The following OPRM1 variants were observed in gnomAD, a reference collection of about 807,000 sequenced individuals.
OPRM1 encodes the protein mu-type opioid receptor.
A neutral mutation model predicts 31.8 loss-of-function variants in OPRM1; 27 were observed. The observed-to-expected ratio is 0.85, with a 90% CI of 0.63 to 1.17. The LOEUF is 1.17. OPRM1 is among the 50% of genes most tolerant of loss of function. The probability of loss-of-function intolerance (pLI) is 0.00; values close to 1 mark genes in which losing one functional copy is unlikely to be tolerated. For synonymous variants in OPRM1, 196 were observed against 189.9 expected (o/e 1.03, Z -0.26); for missense variants, 536 against 511.1 (o/e 1.05, Z -0.47).
chr6:154,218,134 G>A (rs905768647), intron 3 of OPRM1, among the ~76,000 whole-genome samples: 3 of 152,170 alleles, frequency 2.0e-5, no homozygotes, highest in Admixed American at 2.0e-4. Context: ...CTGTGGCTAA[G>A]TAGATGGATG....
intron 3 of OPRM1, among the ~76,000 whole-genome samples, chr6:154,173,385 C>T (rs974094959): frequency 3.3e-5 from 5 of 152,042 alleles, no homozygotes; most frequent in Admixed American, 3.3e-4. Context: ...GCTAAAGAAG[C>T]ATGTTCTAAC....
At chr6:154,193,276 C>A (rs1447490152) in intron 3 of OPRM1, among the ~76,000 whole-genome samples, 1 of 152,084 alleles carries the variant, frequency 6.6e-6, no homozygotes. Context: ...GAATGGAAAA[C>A]CAAAATTGTA....
intron 3 of OPRM1, among the ~76,000 whole-genome samples, chr6:154,103,880 G>A (rs1415172271): frequency 6.6e-6 from 1 of 152,076 alleles, no homozygotes; most frequent in East Asian, 1.9e-4. Context: ...TTATCAGCAA[G>A]GTCTTTATGA....
chr6:154,227,644 G>A (rs1779363896), intron 3 of OPRM1, among the ~76,000 whole-genome samples: 1 of 152,108 alleles, frequency 6.6e-6, no homozygotes, highest in Non-Finnish European at 1.5e-5. Flanking sequence ...CCTGAGCCCG[G>A]AGGTCGAGGC....
At chr6:154,167,373 T>C (rs776936327) in intron 3 of OPRM1, among the ~76,000 whole-genome samples, 2 of 152,140 alleles carry the variant, frequency 1.3e-5, no homozygotes, top group African/African-American at 2.4e-5. Flanking sequence ...TACCACAGAG[T>C]GTGTACTTCC....
At chr6:154,098,286 CCTGA>C in intron 3 of OPRM1, among the ~76,000 whole-genome samples, 1 of 85,742 alleles carries the variant, frequency 1.2e-5, no homozygotes, top group African/African-American at 3.5e-5. Flanking sequence ...ATCTTCTTTT[CCTGA>C]CTGTTCTAAC....
intron 1 of OPRM1, among the ~76,000 whole-genome samples, chr6:154,021,907 A>G (rs917001058): frequency 2.0e-5 from 3 of 152,122 alleles, no homozygotes; most frequent in Non-Finnish European, 4.4e-5. Flanking sequence ...CTGCAAACAA[A>G]GGCAGTTCTA....
intron 1 of OPRM1, among the ~76,000 whole-genome samples, chr6:154,031,635 C>T (rs1415226420): frequency 6.6e-6 from 1 of 151,774 alleles, no homozygotes; most frequent in Non-Finnish European, 1.5e-5. Context: ...CACGTACTAG[C>T]GAGGCTGAGG....
intron 3 of OPRM1, among the ~76,000 whole-genome samples, chr6:154,150,673 T>C (rs1798477427): frequency 6.6e-6 from 1 of 152,210 alleles, no homozygotes; most frequent in Admixed American, 6.5e-5. Flanking sequence ...TTCTCAAGCT[T>C]CTTTACCCGC....
intron 1 of OPRM1, among the ~76,000 whole-genome samples, chr6:154,022,733 G>A (rs555957459): frequency 2.6e-5 from 4 of 152,276 alleles, no homozygotes; most frequent in African/African-American, 7.2e-5. Context: ...TGTATATGGT[G>A]AGAGATAAGG....
chr6:154,093,025 C>T (rs945021821), intron 3 of OPRM1, among the ~76,000 whole-genome samples: 2 of 152,180 alleles, frequency 1.3e-5, no homozygotes, highest in Admixed American at 6.5e-5. Flanking sequence ...GCAAAAACAG[C>T]GATTACTTTT....
chr6:154,115,811 T>C (rs1175048473), intron 3 of OPRM1, among the ~76,000 whole-genome samples: 2 of 152,202 alleles, frequency 1.3e-5, no homozygotes, highest in Non-Finnish European at 2.9e-5. Context: ...TAAAGGAACA[T>C]AGAGTTTCAT....
intron 3 of OPRM1, among the ~76,000 whole-genome samples, chr6:154,215,173 A>C (rs1778287794): frequency 6.6e-6 from 1 of 152,220 alleles, no homozygotes; most frequent in Non-Finnish European, 1.5e-5. Flanking sequence ...CAAGCCATGA[A>C]CAATTCAGCA....
rs141260538 is a variant in OPRM1, at chr6:154,099,711, C to T, written c.1164+8239C>T. 8.0e-3 allele frequency among the ~76,000 whole-genome samples: 1,030 copies of T among 128,216 alleles called. 5 individuals are homozygous for T. The highest frequency in any genetic ancestry group is 0.017 in the Middle Eastern group (4 of 240). 84.1% of individuals were successfully genotyped at this position (128,216 alleles called of 152,430 possible). Reference sequence around the variant, plus strand: ...TGATGTGGGTAGGGGAGGCTAGAAACAAGATTCATTTCAAATGTTAAATTG... The same window carrying T: ...TGATGTGGGTAGGGGAGGCTAGAAATAAGATTCATTTCAAATGTTAAATTG... On this transcript the variant is annotated intron_variant, in intron 3 of 3. Coordinates refer to ENST00000330432, the MANE Select transcript of OPRM1 (RefSeq NM_000914.5).
intron 3 of OPRM1, chr6:154,108,622 A>T (rs1795968372): frequency 4.7e-6 from 1 of 213,320 alleles, no homozygotes; most frequent in Non-Finnish European, 8.1e-6. Flanking sequence ...TGCAAGACAG[A>T]TTAATCCAAA....
intron 3 of OPRM1, chr6:154,093,215 T>C (rs1450240566): frequency 6.7e-6 from 10 of 1,495,596 alleles, no homozygotes; most frequent in Non-Finnish European, 8.2e-6. Context: ...AAGTAAAATA[T>C]TTCCATTGGA....
At chr6:154,029,571 G>A (rs543241304) in intron 1 of OPRM1, among the ~76,000 whole-genome samples, 27 of 152,238 alleles carry the variant, frequency 1.8e-4, no homozygotes, top group Non-Finnish European at 2.9e-4. Context: ...AACACTTGCA[G>A]CTATATTAAA....
chr6:154,152,328 AAAGAAAGAAAGAAAGAAAGG>A (rs1798535795), intron 3 of OPRM1, among the ~76,000 whole-genome samples: 1 of 29,688 alleles, frequency 3.4e-5, no homozygotes, highest in African/African-American at 1.5e-4. Context: ...AGAAAGAAAG[AAAGAAAGAAAGAAAGAAAGG>A]AAAGAAAGAA....
chr6:154,217,115 C>G (rs1778462093), intron 3 of OPRM1: 1 of 162,956 alleles, frequency 6.1e-6, no homozygotes, highest in African/African-American at 2.4e-5. Context: ...ACCATTCCAG[C>G]CTTCCAAGGG....
Sources: allele counts gnomAD v4.1 joint callset (sites outside exome capture counted in the v4.1 genomes callset), GRCh38; gene constraint gnomAD v4.1.1; transcripts MANE v1.5; gene names NCBI Gene and HGNC (gene_info 2026-07-23, HGNC 2026-07-21).